MARCHF1: variants seen among roughly 807,000 people sequenced by gnomAD.
The protein encoded by MARCHF1 is E3 ubiquitin-protein ligase MARCHF1.
A neutral mutation model predicts 54.2 loss-of-function variants in MARCHF1; 40 were observed. The ratio of observed to expected loss-of-function variants is 0.74; its 90% CI spans 0.57 to 0.96. MARCHF1 has a LOEUF of 0.96. MARCHF1 is among the 40% of genes least tolerant of loss of function. The pLI is 0.00. For missense variants in MARCHF1, 586 were observed against 656.5 expected, an observed-to-expected ratio of 0.89 and a Z score of 1.17; for synonymous variants, 236 against 236.3, an observed-to-expected ratio of 1.00 and a Z score of 0.01.
intron 1 of MARCHF1, among the ~76,000 whole-genome samples, chr4:164,134,717 G>T (rs1481460095): frequency 6.6e-6 from 1 of 152,018 alleles, no homozygotes; most frequent in Admixed American, 6.6e-5. Context: ...ATAAAAGAGA[G>T]AATTACTTTT....
At chr4:163,993,912 T>C (rs936020442) in intron 2 of MARCHF1, among the ~76,000 whole-genome samples, 1 of 152,134 alleles carries the variant, frequency 6.6e-6, no homozygotes, top group African/African-American at 2.4e-5. Context: ...TATTTTACTT[T>C]GTTGAAAAGA....
Position 163,913,947 on chromosome 4 carries a change from G to A in MARCHF1, c.-38-59778C>T, listed in dbSNP as rs562714290. Among the ~76,000 whole-genome samples the A allele has an allele frequency of 2.6e-5, 4 of 152,212 alleles. No individual in the cohort carries two copies. The East Asian group carries it at 5.8e-4, about 22-fold the overall frequency. Reference sequence around the variant, plus strand: ...GGGGGCGGCAGACTACAAAACAGGCGTGAGTCTGACTTACGAAAGGGATGT... The same window carrying A: ...GGGGGCGGCAGACTACAAAACAGGCATGAGTCTGACTTACGAAAGGGATGT... On this transcript the variant is annotated intron_variant, in intron 3 of 9. Transcript: ENST00000514618.
At chr4:164,278,703 T>C (rs113996071) in intron 1 of MARCHF1, among the ~76,000 whole-genome samples, 3,512 of 152,276 alleles carry the variant, frequency 0.023, 123 homozygotes, top group East Asian at 0.13. Flanking sequence ...ATTTTATAGC[T>C]GGGGATGTTA....
At chr4:163,663,314 C>A (rs1393539304) in intron 5 of MARCHF1, among the ~76,000 whole-genome samples, 2 of 151,438 alleles carry the variant, frequency 1.3e-5, no homozygotes, top group African/African-American at 4.9e-5. Context: ...GCACTGACAC[C>A]CTTGCCACTA....
At chr4:163,830,692 T>C (rs1748993955) in intron 4 of MARCHF1, among the ~76,000 whole-genome samples, 1 of 151,986 alleles carries the variant, frequency 6.6e-6, no homozygotes, top group South Asian at 2.1e-4. Context: ...GGCGGGAGCA[T>C]CACTTGAGCC....
chr4:163,898,293 T>C (rs547773741), intron 3 of MARCHF1, among the ~76,000 whole-genome samples: 29 of 152,140 alleles, frequency 1.9e-4, no homozygotes, highest in African/African-American at 6.3e-4. Flanking sequence ...ATTATGCCTC[T>C]GACAAAGGAC....
rs573612720 is a variant in MARCHF1 at position 164,284,136 on chromosome 4, C to T, written c.-323+99734G>A. Among the ~76,000 whole-genome samples the T allele has an allele frequency of 1.4e-4, 21 of 150,996 alleles. 2 individuals are homozygous for T. The East Asian group carries it at 2.4e-3, about 17-fold the overall frequency. Reference sequence around the variant, plus strand: ...GCTTAGGTCCTGAGATGCTAAGGTTCGCTATTCAAATCACTTAATGGGTAG... The same window carrying T: ...GCTTAGGTCCTGAGATGCTAAGGTTTGCTATTCAAATCACTTAATGGGTAG... On this transcript the variant is annotated intron_variant, in intron 1 of 9. Transcript: ENST00000514618.
intron 4 of MARCHF1, among the ~76,000 whole-genome samples, chr4:163,716,720 T>C (rs755995776): frequency 1.3e-5 from 2 of 152,176 alleles, no homozygotes; most frequent in Admixed American, 6.5e-5. Context: ...TGCAGCCATG[T>C]GCAAAAGAGT....
intron 5 of MARCHF1, among the ~76,000 whole-genome samples, chr4:163,658,078 T>C (rs1009838140): frequency 2.0e-4 from 30 of 152,072 alleles, no homozygotes; most frequent in African/African-American, 6.8e-4. Context: ...CCAAATAGCT[T>C]ATGCATAGCA....
intron 4 of MARCHF1, among the ~76,000 whole-genome samples, chr4:163,743,419 T>C (rs1746264243): frequency 6.6e-6 from 1 of 152,194 alleles, no homozygotes; most frequent in South Asian, 2.1e-4. Context: ...CCCAATAAGA[T>C]GCTCTATGAG....
chr4:163,743,435 T>C (rs1175104224), intron 4 of MARCHF1, among the ~76,000 whole-genome samples: 1 of 152,318 alleles, frequency 6.6e-6, no homozygotes, highest in East Asian at 1.9e-4. Flanking sequence ...ATGAGAGAAA[T>C]GTAACGTTGA....
rs1193775664 is a variant in MARCHF1, at chr4:163,854,075, C to T, written c.57G>A (p.Thr19=). The T allele has an allele frequency of 1.2e-5, 19 of 1,536,742 alleles. No homozygotes were observed. The South Asian group carries it at 1.5e-4, about 13-fold the overall frequency. ...ARNPHRIPNN[T]RTPEISGDLA... ...AATCCCCTGAGATCTCGGGTGTTCGCGTGTTGTTTGGAATTCTGTGAGGGT... is the reference window on the plus strand; with the variant it reads ...AATCCCCTGAGATCTCGGGTGTTCGTGTGTTGTTTGGAATTCTGTGAGGGT... Residue 19 remains threonine, a synonymous_variant, in exon 4 of 10, where the codon ACG becomes ACA. Transcript: ENST00000514618.
chr4:164,297,653 T>C (rs1177052688), intron 1 of MARCHF1, among the ~76,000 whole-genome samples: 1 of 142,930 alleles, frequency 7.0e-6, no homozygotes, highest in African/African-American at 2.5e-5. Context: ...AAAAAAGTAG[T>C]GAACTATGAA....
intron 4 of MARCHF1, among the ~76,000 whole-genome samples, chr4:163,841,459 A>G (rs201970347): frequency 1.5e-4 from 1 of 6,568 alleles, no homozygotes; most frequent in African/African-American, 1.7e-4. Context: ...TTTTTTTAAA[A>G]AAAGAATACG....
At position 164,189,386 on chromosome 4, in the gene MARCHF1, C is replaced by A; in HGVS notation, c.-322-77724G>T. On this transcript the variant is annotated intron_variant, in intron 1 of 9. Transcript: ENST00000514618. ...GAGCTAAACATGGATCTGTTCTGGTCTACTATGAGGCCTGTCCAGAAAGTG... is the reference window on the plus strand; with the variant it reads ...GAGCTAAACATGGATCTGTTCTGGTATACTATGAGGCCTGTCCAGAAAGTG... 3 of 655,588 alleles carry A rather than the reference C, an allele frequency of 4.6e-6. No homozygotes were observed. In the South Asian group the frequency reaches 5.4e-5, roughly 12 times the overall value. The allele number at this position is 655,588 out of a possible 1,614,324, so 40.6% of individuals were successfully genotyped here. A position where few individuals can be genotyped will look rare whatever the true frequency, so the allele number is the denominator to read the frequency against.
chr4:164,304,191 T>A (rs1734637699), intron 1 of MARCHF1, among the ~76,000 whole-genome samples: 2 of 152,152 alleles, frequency 1.3e-5, no homozygotes, highest in Non-Finnish European at 2.9e-5. Context: ...TGATTAGCTA[T>A]AACCAAAGGG....
intron 1 of MARCHF1, among the ~76,000 whole-genome samples, chr4:164,319,347 ACAGGGGTCC>A (rs1735078783): frequency 6.6e-6 from 1 of 152,106 alleles, no homozygotes; most frequent in Non-Finnish European, 1.5e-5. Flanking sequence ...TTTGGTATCC[ACAGGGGTCC>A]TGGAACCAAT....
intron 1 of MARCHF1, among the ~76,000 whole-genome samples, chr4:164,335,943 C>T (rs922164734): frequency 6.6e-6 from 1 of 151,924 alleles, no homozygotes; most frequent in Non-Finnish European, 1.5e-5. Context: ...GCTTAGTATG[C>T]TATCTAGTAT....
chr4:164,056,309 C>A (rs115514284), intron 2 of MARCHF1, among the ~76,000 whole-genome samples: 1 of 152,120 alleles, frequency 6.6e-6, no homozygotes, highest in East Asian at 1.9e-4. Flanking sequence ...TAACTGAACA[C>A]TGAAAGGTGT....
Sources: allele counts gnomAD v4.1 joint callset (sites outside exome capture counted in the v4.1 genomes callset), GRCh38; gene constraint gnomAD v4.1.1; transcripts MANE v1.5; gene names NCBI Gene and HGNC (gene_info 2026-07-23, HGNC 2026-07-21).